Variants in ROBO1 observed in about 807,000 individuals in gnomAD.
ROBO1 encodes the protein roundabout guidance receptor 1.
A neutral mutation model predicts 195.9 loss-of-function variants in ROBO1; 149 were observed. The observed-to-expected ratio is 0.76, with a 90% CI of 0.67 to 0.87. The LOEUF is 0.87. Among genes scored for constraint, ROBO1 ranks in the 40% least tolerant of loss-of-function variants. ROBO1 has a pLI of 0.00. For missense variants in ROBO1, 1,933 were observed against 2,068.3 expected (o/e 0.93, Z 1.27); for synonymous variants, 816 against 733.2 (o/e 1.11, Z -1.82).
chr3:78,978,653 T>C (rs2107968910), intron 3 of ROBO1, among the ~76,000 whole-genome samples: 1 of 152,308 alleles, frequency 6.6e-6, no homozygotes, highest in Admixed American at 6.5e-5. Context: ...CCAGGTCTAG[T>C]TCTGCTGGTG....
chr3:79,147,866 TA>T (rs1463955637), intron 2 of ROBO1, among the ~76,000 whole-genome samples: 1 of 151,972 alleles, frequency 6.6e-6, no homozygotes, highest in Non-Finnish European at 1.5e-5. Flanking sequence ...CAGCTATACG[TA>T]AAACCAGATT....
At chr3:78,826,430 G>A (rs1211983200) in intron 4 of ROBO1, among the ~76,000 whole-genome samples, 1 of 152,122 alleles carries the variant, frequency 6.6e-6, no homozygotes, top group African/African-American at 2.4e-5. Context: ...TAGTTTTTGA[G>A]GAAAGGAGAT....
At chr3:78,929,438 T>C (rs2039388321) in intron 4 of ROBO1, among the ~76,000 whole-genome samples, 1 of 152,084 alleles carries the variant, frequency 6.6e-6, no homozygotes, top group Non-Finnish European at 1.5e-5. Context: ...CCTCAGGAAA[T>C]TCAGGCACTG....
chr3:79,196,101 G>A (rs1319083618), intron 2 of ROBO1, among the ~76,000 whole-genome samples: 2 of 151,462 alleles, frequency 1.3e-5, no homozygotes, highest in Non-Finnish European at 3.0e-5. Context: ...AGTTTAATTA[G>A]AAACCTAAAT....
chr3:79,541,196 C>T (rs1329975146), intron 2 of ROBO1, among the ~76,000 whole-genome samples: 4 of 152,090 alleles, frequency 2.6e-5, no homozygotes, highest in Admixed American at 6.6e-5. Flanking sequence ...ACACCAGTTA[C>T]AGAAAACAAT....
chr3:79,742,698 A>T (rs1190344463), intron 1 of ROBO1, among the ~76,000 whole-genome samples: 1 of 152,162 alleles, frequency 6.6e-6, no homozygotes, highest in Non-Finnish European at 1.5e-5. Context: ...TAGCCATGTG[A>T]GAATAGCTAA....
intron 3 of ROBO1, among the ~76,000 whole-genome samples, chr3:78,955,349 C>T (rs930019587): frequency 1.3e-5 from 2 of 152,050 alleles, no homozygotes; most frequent in East Asian, 1.9e-4. Context: ...TTTTTCTGAA[C>T]CTCTCTCTCC....
intron 2 of ROBO1, among the ~76,000 whole-genome samples, chr3:79,170,027 C>T (rs914937247): frequency 1.1e-4 from 17 of 151,730 alleles, no homozygotes; most frequent in African/African-American, 2.7e-4. Context: ...AGAGAGAGAG[C>T]GAGAGAGAGA....
chr3:79,714,284 C>T (rs1055771747), intron 1 of ROBO1, among the ~76,000 whole-genome samples: 2 of 152,092 alleles, frequency 1.3e-5, no homozygotes, highest in Non-Finnish European at 2.9e-5. Context: ...AAATGCAAAT[C>T]AAAACCACAA....
intron 3 of ROBO1, among the ~76,000 whole-genome samples, chr3:78,980,455 A>G (rs2076967752): frequency 6.6e-6 from 1 of 152,238 alleles, no homozygotes; most frequent in Non-Finnish European, 1.5e-5. Flanking sequence ...TTAAAAATAT[A>G]AATACACAAG....
intron 1 of ROBO1, among the ~76,000 whole-genome samples, chr3:79,596,418 G>C (rs1255413552): frequency 6.6e-6 from 1 of 151,876 alleles, no homozygotes; most frequent in Admixed American, 6.6e-5. Flanking sequence ...GGCTCTAAAG[G>C]GTCTGTTGAA....
chr3:79,650,012 T>C (rs2106738821), intron 1 of ROBO1, among the ~76,000 whole-genome samples: 1 of 152,082 alleles, frequency 6.6e-6, no homozygotes, highest in Non-Finnish European at 1.5e-5. Flanking sequence ...TTCTATACTT[T>C]CTATTTTAAG....
At chr3:78,648,032 G>C (rs1706407760) in intron 19 of ROBO1, among the ~76,000 whole-genome samples, 1 of 151,930 alleles carries the variant, frequency 6.6e-6, no homozygotes, top group Non-Finnish European at 1.5e-5. Context: ...TCAGAGTCTT[G>C]CTGGAACCTT....
At chr3:79,288,879 G>A (rs764983676) in intron 2 of ROBO1, among the ~76,000 whole-genome samples, 19 of 151,646 alleles carry the variant, frequency 1.3e-4, no homozygotes, top group African/African-American at 4.1e-4. Context: ...TTTCTCATTT[G>A]TATAGTAGAA....
At chr3:79,742,142 C>G (rs1233169871) in intron 1 of ROBO1, among the ~76,000 whole-genome samples, 1 of 152,180 alleles carries the variant, frequency 6.6e-6, no homozygotes, top group African/African-American at 2.4e-5. Flanking sequence ...AACCCATTTT[C>G]TGGGGAGAAA....
rs146217224 is a variant in ROBO1, at chr3:78,646,570, A to C, written c.2840-380T>G. Among the ~76,000 whole-genome samples the C allele has an allele frequency of 7.8e-4, 115 of 148,262 alleles. 2 individuals carry two copies. In the East Asian group the frequency reaches 0.02, roughly 26 times the overall value. On this transcript the variant is annotated intron_variant, in intron 20 of 30. Transcript: ENST00000464233. ...TTTTGAATTTATTATTGGAGCACAT[A>C]ATTTCATAATTTTATATAGGTGTAA...
At chr3:78,615,555 C>T (rs199739652) in intron 27 of ROBO1, among the ~76,000 whole-genome samples, 1 of 152,150 alleles carries the variant, frequency 6.6e-6, no homozygotes, top group East Asian at 1.9e-4. Context: ...TTCTCTGGTG[C>T]CTTACATAGA....
chr3:79,097,146 G>T (rs1366887246), intron 3 of ROBO1, among the ~76,000 whole-genome samples: 2 of 151,586 alleles, frequency 1.3e-5, no homozygotes, highest in East Asian at 3.9e-4. Context: ...GTAGAAATCT[G>T]CTGTCAGAGT....
At chr3:79,237,821 C>CA (rs2082440980) in intron 2 of ROBO1, among the ~76,000 whole-genome samples, 1 of 152,008 alleles carries the variant, frequency 6.6e-6, no homozygotes, top group South Asian at 2.1e-4. Context: ...CTCTTGGATC[C>CA]AAAAAATTTC....
Sources: gnomAD v4.1 joint callset for allele counts (sites outside exome capture counted in the v4.1 genomes callset) on GRCh38, gnomAD v4.1.1 for gene constraint, MANE v1.5 for transcripts, NCBI Gene and HGNC (gene_info 2026-07-23, HGNC 2026-07-21) for gene names.